The following CASD1 variants were observed in gnomAD, a reference collection of about 807,000 sequenced individuals.
CASD1 encodes CAS1 domain sialic acid O acetyltransferase 1, also known as N-acetylneuraminate (7)9-O-acetyltransferase.
In CASD1, 41 loss-of-function variants were observed where a neutral mutation model predicts 100.0. The observed-to-expected ratio is 0.41, with a 90% CI of 0.32 to 0.53. The LOEUF is 0.53. CASD1 is among the 20% of genes least tolerant of loss of function. CASD1 has a pLI of 0.25. For synonymous variants in CASD1, 321 were observed against 315.6 expected (o/e 1.02, Z -0.18); for missense variants, 774 against 948.7 (o/e 0.82, Z 2.42).
At chr7:94,599,223 G>A in the CASD1 span, 3 of 362,498 alleles carry the variant, frequency 8.3e-6, no homozygotes, top group Non-Finnish European at 1.5e-5. Context: ...TAATATTACT[G>A]TCCTAAGTAA....
intron 16 of CASD1, chr7:94,553,052 C>G (rs1796026630): frequency 3.2e-6 from 1 of 309,674 alleles, no homozygotes; most frequent in South Asian, 3.1e-5. Context: ...TTCTTTTTAG[C>G]GTTGTACAAC....
chr7:94,619,041 A>C, the CASD1 span: 1 of 955,582 alleles, frequency 1.0e-6, no homozygotes, highest in Non-Finnish European at 1.7e-6. Flanking sequence ...CGATTTGTTG[A>C]GTTCTGTCAT....
At chr7:94,625,425 T>C in the CASD1 span, 1 of 152,054 alleles carries the variant, frequency 6.6e-6, no homozygotes, top group African/African-American at 2.4e-5. Flanking sequence ...TCATAAAGTA[T>C]ATAATGAATG....
Position 94,528,227 on chromosome 7 carries a change from C to T in CASD1, c.436C>T (p.Gln146Ter), listed in dbSNP as rs1554408947. 6.2e-7 allele frequency: 1 copy of T among 1,607,116 alleles called. No individual in the cohort carries two copies. The highest frequency in any genetic ancestry group is 8.5e-7 in the Non-Finnish European group (1 of 1,176,676). Residue 146 changes from glutamine (Q) to a stop codon, truncating the protein, a stop_gained, in exon 5 of 18, where the codon CAG becomes TAG. Coordinates refer to ENST00000297273, the MANE Select transcript of CASD1 (RefSeq NM_022900.5). LOFTEE classifies it high-confidence loss of function. The stretch of plus-strand genomic sequence containing the variant: ...TCCTGAAGTTAATGGTTCTATGAAA[C>T]AGTGTATCAAAGTGTGGACTGAGGT... ...WHPEVNGSMKQCIKVWTEDSI... is the reference protein window; with the variant it reads ...WHPEVNGSMK
chr7:94,530,300 T>TC (rs1794785204), intron 5 of CASD1, among the ~76,000 whole-genome samples: 1 of 152,178 alleles, frequency 6.6e-6, no homozygotes, highest in South Asian at 2.1e-4. Context: ...TATAGCCTAT[T>TC]CAGGGACTCT....
the CASD1 span, among the ~76,000 whole-genome samples, chr7:94,586,061 G>GAAAAAAAAAAAAAAAAAAAAAAAA: frequency 1.4e-4 from 4 of 28,904 alleles, no homozygotes; most frequent in Non-Finnish European, 1.8e-4. Context: ...GGAACTAAAT[G>GAAAAAAAAAAAAAAAAAAAAAAAA]AAAAAAAAAA....
In CASD1 at chr7:94,537,634, A is replaced by G. The variant is rs1293217844; in HGVS notation, c.1006A>G (p.Asn336Asp). The G allele has an allele frequency of 1.9e-6, 3 of 1,613,902 alleles. No individual in the cohort carries two copies. Among genetic ancestry groups the G allele is most frequent in the South Asian group, 2.2e-5 (2 of 91,078 alleles). ...TTTAATTTTTTACATAATTCATCGT[A>G]ATGCTCATCGGAAGAATAAGCCGTG... is the stretch of plus-strand genomic sequence containing the variant. ...GYLIFYIIHRNAHRKNKPCTD... is the reference protein window; with the variant it reads ...GYLIFYIIHRDAHRKNKPCTD... The change falls in exon 9 of 18, where the codon AAT becomes GAT. Residue 336 changes from asparagine to aspartate, a missense_variant. Around this residue, in one of 5 missense-constraint regions of CASD1, gnomAD observed 453 missense variants for 532.6 expected, o/e 0.85. Transcript: ENST00000297273.
the CASD1 span, chr7:94,600,293 A>AT: frequency 1.2e-5 from 3 of 240,970 alleles, no homozygotes; most frequent in Non-Finnish European, 2.4e-5. Flanking sequence ...AACTAACACA[A>AT]TTTTTTTAAG....
intron 1 of CASD1, among the ~76,000 whole-genome samples, chr7:94,514,012 G>A (rs1171342452): frequency 6.6e-6 from 1 of 152,036 alleles, no homozygotes; most frequent in African/African-American, 2.4e-5. Context: ...TGTCATTTCT[G>A]TGACAAATGG....
intron 5 of CASD1, among the ~76,000 whole-genome samples, chr7:94,530,885 C>T (rs1794819101): frequency 6.6e-6 from 1 of 152,028 alleles, no homozygotes; most frequent in Admixed American, 6.6e-5. Context: ...TGTAAAATCA[C>T]ATACAGGGGA....
At chr7:94,608,751 A>G in the CASD1 span, among the ~76,000 whole-genome samples, 79 of 152,354 alleles carry the variant, frequency 5.2e-4, 2 homozygotes, top group East Asian at 0.013. Flanking sequence ...CAGAATACAC[A>G]TTTAGAAATA....
chr7:94,533,115 T>TA (rs1794930580), intron 5 of CASD1, 90 bp from the exon 6 acceptor site: 2 of 831,354 alleles, frequency 2.4e-6, no homozygotes, highest in Non-Finnish European at 3.7e-6. Flanking sequence ...AGGAAGAACT[T>TA]ACATTTTAAG....
rs1309098662 is a variant in CASD1, at chr7:94,533,186, A to T, written c.460-19A>T. ...CTGAACTGATTATAATACTATGATA[A>T]AGATTTGTCTTCCTTTAGGATTCCA... is the stretch of plus-strand genomic sequence containing the variant. On this transcript the variant is annotated intron_variant, in intron 5 of 17. Transcript: ENST00000297273. 1 of 1,592,564 alleles carries T rather than the reference A, an allele frequency of 6.3e-7. No individual in the cohort carries two copies. Among genetic ancestry groups the T allele is most frequent in the Non-Finnish European group, 8.6e-7 (1 of 1,163,424 alleles).
intron 10 of CASD1, among the ~76,000 whole-genome samples, chr7:94,544,012 A>G (rs748426337): frequency 1.1e-4 from 16 of 152,218 alleles, no homozygotes; most frequent in Non-Finnish European, 1.8e-4. Context: ...GTATGAATCC[A>G]TCTTGCATTC....
chr7:94,528,426 A>G (rs2116278606), intron 5 of CASD1, among the ~76,000 whole-genome samples, 176 bp downstream of exon 5: 1 of 152,258 alleles, frequency 6.6e-6, no homozygotes, highest in African/African-American at 2.4e-5. Flanking sequence ...GAGAAGATGT[A>G]GATCCAATAT....
At position 94,555,580 on chromosome 7, in the gene CASD1, T is replaced by C. The variant is rs1399488185; in HGVS notation, c.2216T>C (p.Ile739Thr). The part of the protein sequence containing the change: ...LIPGNPMLNI[I>T]VSTFIFVCVA... ...CCTGGAAACCCTATGCTCAACATCATTGTCAGCACTTTCATATTTGTTTGT... is the reference window on the plus strand; with the variant it reads ...CCTGGAAACCCTATGCTCAACATCACTGTCAGCACTTTCATATTTGTTTGT... Residue 739 changes from isoleucine to threonine, a missense_variant, in exon 18 of 18, where the codon ATT becomes ACT. Ile to Thr is a moderately conservative substitution (Grantham distance 89). Around this residue, in one of 5 missense-constraint regions of CASD1, gnomAD observed 175 missense variants for 206.9 expected, o/e 0.85. Transcript: ENST00000297273. 2.5e-6 allele frequency: 4 copies of C among 1,613,594 alleles called. No homozygotes were observed. The African/African-American group carries it at 5.3e-5, about 22-fold the overall frequency.
the CASD1 span, among the ~76,000 whole-genome samples, chr7:94,593,253 C>A: frequency 2.6e-5 from 4 of 151,762 alleles, no homozygotes; most frequent in Non-Finnish European, 4.4e-5. Context: ...TGAGAGAGAC[C>A]CAATTATCCT....
the CASD1 span, chr7:94,590,983 C>T: frequency 6.6e-6 from 1 of 151,924 alleles, no homozygotes; most frequent in Non-Finnish European, 1.5e-5. Flanking sequence ...AAAGATATTA[C>T]TAGGGAAATA....
At chr7:94,514,082 A>C (rs1360754413) in intron 1 of CASD1, among the ~76,000 whole-genome samples, 1 of 152,186 alleles carries the variant, frequency 6.6e-6, no homozygotes. Flanking sequence ...TTTTAAATTG[A>C]TAAAGTTAAC....
Sources: gnomAD v4.1 joint callset for allele counts (sites outside exome capture counted in the v4.1 genomes callset) on GRCh38, gnomAD v4.1.1 for gene constraint, gnomAD v4.1.1 regional missense constraint, MANE v1.5 for transcripts, NCBI Gene and HGNC (gene_info 2026-07-23, HGNC 2026-07-21) for gene names.